Variants in AP2A2 observed in about 807,000 individuals in gnomAD.
AP2A2 encodes AP-2 complex subunit alpha-2.
A neutral mutation model predicts 104.2 loss-of-function variants in AP2A2; 32 were observed. That is an observed-to-expected ratio of 0.31 (90% CI 0.23 to 0.41). AP2A2 has a LOEUF of 0.41. AP2A2 is among the 10% of genes least tolerant of loss of function. AP2A2 has a pLI of 1.00. For missense variants in AP2A2, 912 were observed against 1,261.0 expected (o/e 0.72, Z 4.19); for synonymous variants, 539 against 533.3 (o/e 1.01, Z -0.15).
chr11:1,009,591 G>A lies in AP2A2; in HGVS notation c.2608-92G>A, dbSNP rs546783070. 1.2e-3 allele frequency: 1,362 copies of A among 1,168,936 alleles called. 37 individuals are homozygous for A. The African/African-American group carries it at 0.02, about 17-fold the overall frequency. 72.4% of individuals were successfully genotyped at this position (1,168,936 alleles called of 1,614,324 possible). A position where few individuals can be genotyped will look rare whatever the true frequency, so the allele number is the denominator to read the frequency against. ...CGGCCCCGGGGGACACGCAGCCCAC[G>A]ACCCAGCGCCAGGGTCTGGAGGGGC... On this transcript the variant is annotated intron_variant, in intron 20 of 21. Transcript: ENST00000448903.
At chr11:954,404 GTATT>G (rs1157021692) in intron 1 of AP2A2, among the ~76,000 whole-genome samples, 2 of 152,046 alleles carry the variant, frequency 1.3e-5, no homozygotes, top group African/African-American at 2.4e-5. Flanking sequence ...GTACATGTGT[GTATT>G]TGTGTGTGTG....
intron 1 of AP2A2, among the ~76,000 whole-genome samples, chr11:958,981 A>G (rs185706411): frequency 4.2e-4 from 64 of 152,338 alleles, no homozygotes; most frequent in African/African-American, 1.4e-3. Context: ...GAATTTATAA[A>G]AGAAAATTGA....
chr11:950,688 A>T (rs1303944988), intron 1 of AP2A2, among the ~76,000 whole-genome samples: 2 of 152,200 alleles, frequency 1.3e-5, no homozygotes, highest in Non-Finnish European at 2.9e-5. Flanking sequence ...AGAAGGTGAA[A>T]TGGCAACCTG....
At chr11:956,238 C>T (rs893466580) in intron 1 of AP2A2, among the ~76,000 whole-genome samples, 1 of 152,046 alleles carries the variant, frequency 6.6e-6, no homozygotes, top group African/African-American at 2.4e-5. Context: ...TCTCGCCTCA[C>T]TGCAGCCTCT....
At position 983,469 on chromosome 11, in the gene AP2A2, G is replaced by A. The variant is rs549106179; in HGVS notation, c.706-1176G>A. Reference sequence around the variant, plus strand: ...ACGATCTTGGCTCACTACAAGCTCCGCCTCCTGGGTTCACGCCATTCTCCT... The same window carrying A: ...ACGATCTTGGCTCACTACAAGCTCCACCTCCTGGGTTCACGCCATTCTCCT... On this transcript the variant is annotated intron_variant, in intron 6 of 21. Coordinates refer to ENST00000448903, the MANE Select transcript of AP2A2 (RefSeq NM_012305.4). Among the ~76,000 whole-genome samples the A allele has an allele frequency of 9.5e-4, 144 of 151,152 alleles. 1 individual carries two copies. Among genetic ancestry groups the A allele is most frequent in the Non-Finnish European group, 4.1e-4 (28 of 67,782 alleles).
chr11:995,371 G>T, intron 14 of AP2A2: 1 of 455,728 alleles, frequency 2.2e-6, no homozygotes, highest in Non-Finnish European at 4.4e-6. Flanking sequence ...TTGCGTTTTT[G>T]CTTGGCTCTG....
intron 1 of AP2A2, among the ~76,000 whole-genome samples, chr11:957,662 A>G (rs768157426): frequency 1.3e-5 from 2 of 152,226 alleles, no homozygotes; most frequent in African/African-American, 2.4e-5. Context: ...TAATATCACA[A>G]TTGGATATTA....
At chr11:985,669 G>A in intron 8 of AP2A2, 87 bp downstream of exon 8, 1 of 1,565,974 alleles carries the variant, frequency 6.4e-7, no homozygotes, top group Non-Finnish European at 8.7e-7. Context: ...GATCATGTCT[G>A]GTTTGTCCAC....
At chr11:957,762 G>A (rs908968253) in intron 1 of AP2A2, among the ~76,000 whole-genome samples, 13 of 152,208 alleles carry the variant, frequency 8.5e-5, no homozygotes, top group African/African-American at 2.9e-4. Context: ...TCCCTGTATC[G>A]TAATCCCTCC....
chr11:970,504 G>A (rs534989915), intron 3 of AP2A2, among the ~76,000 whole-genome samples, 193 bp downstream of exon 3: 4 of 152,360 alleles, frequency 2.6e-5, no homozygotes, highest in Admixed American at 2.0e-4. Flanking sequence ...CCCCCTTCCC[G>A]CCCAAGCTGG....
rs769499120 is a variant in AP2A2 at position 1,011,110 on chromosome 11, G to A, written c.*485G>A. 5.1e-6 allele frequency: 3 copies of A among 585,584 alleles called. No individual in the cohort carries two copies. The East Asian group carries it at 1.2e-4, about 24-fold the overall frequency. 36.3% of individuals were successfully genotyped at this position (585,584 alleles called of 1,614,324 possible). A position where few individuals can be genotyped will look rare whatever the true frequency, so the allele number is the denominator to read the frequency against. On this transcript the variant is annotated 3_prime_UTR_variant, in exon 22 of 22. Coordinates refer to ENST00000448903, the MANE Select transcript of AP2A2 (RefSeq NM_012305.4). Reference sequence around the variant, plus strand: ...CCTTGGGAGGAGCACAGCTGACCCTGGTTTTGCTGCAGTCCCAGCTGGACT... The same window carrying A: ...CCTTGGGAGGAGCACAGCTGACCCTAGTTTTGCTGCAGTCCCAGCTGGACT...
At position 993,666 on chromosome 11, in the gene AP2A2, G is replaced by T. The variant is rs993099703; in HGVS notation, c.1551-88G>T. 6 of 1,027,664 alleles carry T rather than the reference G, an allele frequency of 5.8e-6. No homozygotes were observed. In the African/African-American group the frequency reaches 9.6e-5, roughly 16 times the overall value. 63.7% of individuals were successfully genotyped at this position (1,027,664 alleles called of 1,614,324 possible). ...CAGCGGCCTCTGGTGCAGGCCAGGG[G>T]GTCTCGCCGCCGTCCCCCCCCCGCG... On this transcript the variant is annotated intron_variant, in intron 12 of 21. Coordinates refer to ENST00000448903, the MANE Select transcript of AP2A2 (RefSeq NM_012305.4). This position sits in a 1 kb window ranked among gnomAD's most constrained non-coding sequence, Gnocchi z 8.2.
intron 2 of AP2A2, among the ~76,000 whole-genome samples, chr11:963,107 T>C (rs1854494837): frequency 1.3e-5 from 2 of 152,158 alleles, no homozygotes; most frequent in Non-Finnish European, 2.9e-5. Context: ...TAGTTCAGTA[T>C]ATCTAAAATT....
At chr11:931,207 T>C (rs1202082535) in intron 1 of AP2A2, among the ~76,000 whole-genome samples, 3 of 152,242 alleles carry the variant, frequency 2.0e-5, no homozygotes, top group Non-Finnish European at 4.4e-5. Flanking sequence ...ATTGACATTG[T>C]ATTTGAGCAA....
In AP2A2 at chr11:993,338, C is replaced by G; in HGVS notation, c.1507C>G (p.Leu503Val). The G allele has an allele frequency of 6.2e-7, 1 of 1,612,790 alleles. No individual in the cohort carries two copies. ...CCTGGTCAAAGTGGGCGGCTACATCCTGGGGGAGTTTGGAAACTTGATAGC... is the reference window on the plus strand; with the variant it reads ...CCTGGTCAAAGTGGGCGGCTACATCGTGGGGGAGTTTGGAAACTTGATAGC... ...ENLVKVGGYILGEFGNLIAGD... is the reference protein window; with the variant it reads ...ENLVKVGGYIVGEFGNLIAGD... The change falls in exon 12 of 22, where the codon CTG becomes GTG. Residue 503 changes from leucine to valine, a missense_variant. Leu to Val is a conservative substitution (Grantham distance 32). Around this residue, in one of 7 missense-constraint regions of AP2A2, gnomAD observed 137 missense variants for 186.9 expected, o/e 0.73. Coordinates refer to ENST00000448903, the MANE Select transcript of AP2A2 (RefSeq NM_012305.4). This position sits in a 1 kb window ranked among gnomAD's most constrained non-coding sequence, Gnocchi z 8.2.
intron 2 of AP2A2, among the ~76,000 whole-genome samples, chr11:959,712 C>T (rs1004199254): frequency 6.6e-6 from 1 of 152,214 alleles, no homozygotes; most frequent in African/African-American, 2.4e-5. Context: ...TGGTCTTTTC[C>T]TGGAGCTGGA....
chr11:943,079 AG>A (rs1205726842), intron 1 of AP2A2: 1 of 152,230 alleles, frequency 6.6e-6, no homozygotes, highest in Non-Finnish European at 1.5e-5. Flanking sequence ...AAGGAAAGCG[AG>A]TGAGTAACAG....
intron 1 of AP2A2, among the ~76,000 whole-genome samples, chr11:953,408 A>G (rs1270572492): frequency 6.6e-6 from 1 of 151,944 alleles, no homozygotes; most frequent in African/African-American, 2.4e-5. Context: ...CAAGTGATCC[A>G]CCTGCCTCAG....
rs1854708525 is a variant in AP2A2, at chr11:968,676, T to G, written c.137-1493T>G. On this transcript the variant is annotated intron_variant, in intron 2 of 21. Coordinates refer to ENST00000448903, the MANE Select transcript of AP2A2 (RefSeq NM_012305.4). The surrounding 1 kb of genome is among the most constrained non-coding windows in gnomAD (Gnocchi z 4.2). The stretch of plus-strand genomic sequence containing the variant: ...GGTGCTGGGGCTTCCCAGTGGAGGA[T>G]CTCTGCTGCGCAGCCCGTGCTCAGC... Among the ~76,000 whole-genome samples the G allele has an allele frequency of 6.6e-6, 1 of 151,866 alleles. No individual in the cohort carries two copies.
Sources: gnomAD v4.1 joint callset for allele counts (sites outside exome capture counted in the v4.1 genomes callset) on GRCh38, gnomAD v4.1.1 for gene constraint, gnomAD v4.1.1 regional missense constraint, Gnocchi (gnomAD v3.1) non-coding constraint, MANE v1.5 for transcripts, NCBI Gene and HGNC (gene_info 2026-07-23, HGNC 2026-07-21) for gene names.